TMEM62: variants seen among roughly 807,000 people sequenced by gnomAD.
TMEM62 encodes the protein transmembrane protein 62.
TMEM62 carries 41 observed loss-of-function variants against 70.4 expected under a neutral mutation model. That is an observed-to-expected ratio of 0.58 (90% CI 0.45 to 0.76). The LOEUF is 0.76. Among genes scored for constraint, TMEM62 ranks in the 30% least tolerant of loss-of-function variants. TMEM62 has a pLI of 0.00. For synonymous variants in TMEM62, 268 were observed against 291.0 expected (o/e 0.92, Z 0.80); for missense variants, 688 against 788.5 (o/e 0.87, Z 1.53).
intron 9 of TMEM62, 61 bp from the exon 10 acceptor site, chr15:43,160,620 T>C (rs546563812): frequency 2.1e-4 from 176 of 843,954 alleles, no homozygotes; most frequent in Non-Finnish European, 3.0e-4. Context: ...TATTTTAATT[T>C]AGAACATTAT....
intron 11 of TMEM62, among the ~76,000 whole-genome samples, chr15:43,177,557 T>A (rs2040881895): frequency 6.6e-6 from 1 of 152,028 alleles, no homozygotes; most frequent in Admixed American, 6.6e-5. Flanking sequence ...CACATGTATG[T>A]TTATTGTGGC....
intron 13 of TMEM62, among the ~76,000 whole-genome samples, chr15:43,182,886 T>G (rs956856076): frequency 1.3e-5 from 2 of 152,220 alleles, no homozygotes; most frequent in African/African-American, 4.8e-5. Context: ...TAATAAATAG[T>G]ACACTAATAA....
At chr15:43,178,933 A>G (rs547030865) in intron 12 of TMEM62, among the ~76,000 whole-genome samples, 4 of 152,376 alleles carry the variant, frequency 2.6e-5, no homozygotes, top group African/African-American at 9.6e-5. Context: ...CTGCTACAGA[A>G]TTAGTATTTG....
chr15:43,163,909 A>G (rs2141883515), intron 10 of TMEM62, among the ~76,000 whole-genome samples: 1 of 152,362 alleles, frequency 6.6e-6, no homozygotes, highest in Non-Finnish European at 1.5e-5. Context: ...TTGAGAAACA[A>G]GCACCTAGGT....
At chr15:43,159,317 A>C (rs2038403758) in intron 9 of TMEM62, among the ~76,000 whole-genome samples, 1 of 152,178 alleles carries the variant, frequency 6.6e-6, no homozygotes, top group African/African-American at 2.4e-5. Flanking sequence ...TGTGCTATCA[A>C]ATAGTAGGTC....
intron 4 of TMEM62, 43 bp downstream of exon 4, chr15:43,138,662 G>C (rs2035577012): frequency 6.9e-7 from 1 of 1,452,308 alleles, no homozygotes; most frequent in Non-Finnish European, 9.5e-7. Flanking sequence ...TAGAGTCAGT[G>C]TTATAAGGAG....
chr15:43,172,391 T>A (rs1229306398), intron 11 of TMEM62, among the ~76,000 whole-genome samples: 2 of 152,238 alleles, frequency 1.3e-5, no homozygotes, highest in Non-Finnish European at 2.9e-5. Context: ...TTTCTGTTAA[T>A]CAGTTTTACA....
At chr15:43,176,699 A>G (rs913038456) in intron 11 of TMEM62, among the ~76,000 whole-genome samples, 3 of 152,044 alleles carry the variant, frequency 2.0e-5, no homozygotes, top group African/African-American at 4.8e-5. Flanking sequence ...CACCATCATC[A>G]AAGACCAAAA....
intron 10 of TMEM62, among the ~76,000 whole-genome samples, chr15:43,167,573 G>A (rs1237823899): frequency 4.6e-5 from 7 of 151,956 alleles, no homozygotes; most frequent in African/African-American, 7.3e-5. Context: ...GATGGCGGCC[G>A]GGAAGAGGCG....
chr15:43,134,482 G>C (rs1165934012), intron 2 of TMEM62, 114 bp downstream of exon 2: 2 of 767,988 alleles, frequency 2.6e-6, no homozygotes. Flanking sequence ...CACAGCCCCA[G>C]GTGAGCTCTG....
intron 10 of TMEM62, among the ~76,000 whole-genome samples, chr15:43,161,558 C>G (rs2038699025): frequency 6.6e-6 from 1 of 152,062 alleles, no homozygotes; most frequent in Admixed American, 6.5e-5. Context: ...CCATTATAAC[C>G]ATTGTATTTG....
chr15:43,160,625 C>A, intron 9 of TMEM62, 56 bp from the exon 10 acceptor site: 1 of 874,144 alleles, frequency 1.1e-6, no homozygotes, highest in Non-Finnish European at 1.8e-6. Flanking sequence ...TAATTTAGAA[C>A]ATTATAAATA....
rs538743429 is a variant in TMEM62, at chr15:43,165,760, AAAAT to A, written c.1297-3808_1297-3805del. Among the ~76,000 whole-genome samples the A allele has an allele frequency of 3.6e-3, 541 of 151,768 alleles. 4 individuals carry two copies. The highest frequency in any genetic ancestry group is 0.024 in the Middle Eastern group (7 of 292). On this transcript the variant is annotated intron_variant, in intron 10 of 13. Transcript: ENST00000260403. ...AAAAAAAATAAAATAAATTAAATAA[AAAAT>A]AAATAAATAAATAAATAAATAAATT...
chr15:43,179,142 T>C (rs1852556944), intron 12 of TMEM62, among the ~76,000 whole-genome samples: 1 of 152,172 alleles, frequency 6.6e-6, no homozygotes, highest in African/African-American at 2.4e-5. Context: ...CTCATGCCTG[T>C]AGTTCCAGCT....
intron 10 of TMEM62, among the ~76,000 whole-genome samples, chr15:43,162,219 C>A (rs1241035388): frequency 6.6e-6 from 1 of 151,850 alleles, no homozygotes; most frequent in Non-Finnish European, 1.5e-5. Flanking sequence ...CTCACTGCAA[C>A]CTCCGCCTCC....
At chr15:43,151,306 A>C (rs569135130) in intron 7 of TMEM62, among the ~76,000 whole-genome samples, 1 of 149,444 alleles carries the variant, frequency 6.7e-6, no homozygotes, top group East Asian at 2.0e-4. Flanking sequence ...GTGAGACTCC[A>C]TCTCAAAAAT....
chr15:43,152,977 G>T (rs891709431), intron 8 of TMEM62, among the ~76,000 whole-genome samples: 2 of 152,144 alleles, frequency 1.3e-5, no homozygotes, highest in African/African-American at 2.4e-5. Flanking sequence ...ATAAGGCACA[G>T]TCTATTCTAA....
chr15:43,150,083 C>G (rs1379595002), intron 7 of TMEM62, among the ~76,000 whole-genome samples: 3 of 152,158 alleles, frequency 2.0e-5, no homozygotes, highest in Non-Finnish European at 4.4e-5. Flanking sequence ...ATAATAGGTA[C>G]TCAGCAAAGG....
intron 4 of TMEM62, among the ~76,000 whole-genome samples, chr15:43,139,585 G>A (rs1406104072): frequency 6.6e-6 from 1 of 152,220 alleles, no homozygotes; most frequent in Admixed American, 6.5e-5. Context: ...AATTAAAAGT[G>A]CTCCTCCAGT....
Sources: gnomAD v4.1 joint callset for allele counts (sites outside exome capture counted in the v4.1 genomes callset) on GRCh38, gnomAD v4.1.1 for gene constraint, MANE v1.5 for transcripts, NCBI Gene and HGNC (gene_info 2026-07-23, HGNC 2026-07-21) for gene names.